The following DOCK3 variants were observed in gnomAD, a reference collection of about 807,000 sequenced individuals.
The protein encoded by DOCK3 is dedicator of cytokinesis protein 3.
Under a neutral mutation model 265.6 loss-of-function variants are expected in DOCK3, and 60 were observed. The ratio of observed to expected loss-of-function variants is 0.23; its 90% confidence interval spans 0.18 to 0.28. DOCK3 has a LOEUF of 0.28. Among genes scored for constraint, DOCK3 ranks in the 10% least tolerant of loss-of-function variants. The pLI is 1.00. For synonymous variants in DOCK3, 881 were observed against 938.0 expected (o/e 0.94, Z 1.11); for missense variants, 1,981 against 2,594.3 (o/e 0.76, Z 5.14).
chr3:50,864,879 G>A (rs1189529444), intron 3 of DOCK3, among the ~76,000 whole-genome samples: 1 of 151,800 alleles, frequency 6.6e-6, no homozygotes, highest in East Asian at 1.9e-4. Context: ...GTATTATGAT[G>A]CGTCCAGGCT....
chr3:51,261,198 A>G (rs1228182163), intron 23 of DOCK3, among the ~76,000 whole-genome samples: 3 of 151,722 alleles, frequency 2.0e-5, no homozygotes, highest in African/African-American at 7.3e-5. Context: ...TGATTTCTGC[A>G]TTTCCAACTG....
chr3:51,207,791 G>T (rs539520606), intron 12 of DOCK3, among the ~76,000 whole-genome samples: 1 of 152,158 alleles, frequency 6.6e-6, no homozygotes, highest in South Asian at 2.1e-4. Context: ...AAGTTCCATG[G>T]GTTCTCCTTT....
At chr3:50,840,232 T>C (rs1382407931) in intron 2 of DOCK3, among the ~76,000 whole-genome samples, 1 of 152,220 alleles carries the variant, frequency 6.6e-6, no homozygotes, top group Non-Finnish European at 1.5e-5. Context: ...AATGAAGCTC[T>C]GTGTATCAAT....
chr3:50,685,075 C>T (rs370337356), intron 1 of DOCK3, among the ~76,000 whole-genome samples: 11 of 151,970 alleles, frequency 7.2e-5, no homozygotes, highest in African/African-American at 2.7e-4. Context: ...AAATTTGGAA[C>T]CATACTGCTT....
chr3:50,889,460 G>A (rs968508775), intron 3 of DOCK3, among the ~76,000 whole-genome samples: 1 of 140,036 alleles, frequency 7.1e-6, no homozygotes, highest in African/African-American at 2.6e-5. Flanking sequence ...AACTGATGTG[G>A]TTTTTTTTTT....
chr3:51,062,654 A>G (rs914837477), intron 5 of DOCK3, among the ~76,000 whole-genome samples: 1 of 152,170 alleles, frequency 6.6e-6, no homozygotes, highest in Non-Finnish European at 1.5e-5. Context: ...TGATCACAAC[A>G]AAGTGTTAGT....
At chr3:51,172,189 T>A (rs1368037865) in intron 12 of DOCK3, among the ~76,000 whole-genome samples, 2 of 152,176 alleles carry the variant, frequency 1.3e-5, no homozygotes, top group East Asian at 3.9e-4. Flanking sequence ...CTTTTTTTTT[T>A]TTTTGAGACA....
At chr3:51,062,292 T>C (rs367713660) in intron 5 of DOCK3, among the ~76,000 whole-genome samples, 1 of 152,334 alleles carries the variant, frequency 6.6e-6, no homozygotes, top group East Asian at 1.9e-4. Context: ...ACCTGGTGCC[T>C]GCTGCCTGTC....
intron 22 of DOCK3, among the ~76,000 whole-genome samples, chr3:51,257,254 T>C (rs943579374): frequency 6.6e-6 from 1 of 152,206 alleles, no homozygotes; most frequent in Non-Finnish European, 1.5e-5. Flanking sequence ...TTCACCAGAT[T>C]AGTAAGTTTC....
At chr3:50,743,779 G>T (rs2039239296) in intron 1 of DOCK3, among the ~76,000 whole-genome samples, 1 of 152,138 alleles carries the variant, frequency 6.6e-6, no homozygotes, top group Non-Finnish European at 1.5e-5. Flanking sequence ...GGTTATTTTG[G>T]TGTGTACTTA....
intron 22 of DOCK3, among the ~76,000 whole-genome samples, chr3:51,250,305 AAT>A (rs1429484023): frequency 4.8e-5 from 7 of 147,084 alleles, no homozygotes; most frequent in South Asian, 2.2e-4. Flanking sequence ...AATAATAAAA[AAT>A]AAAAAACAAA....
intron 1 of DOCK3, among the ~76,000 whole-genome samples, chr3:50,758,185 A>G (rs1401278971): frequency 7.4e-6 from 1 of 135,288 alleles, no homozygotes; most frequent in Non-Finnish European, 1.6e-5. Flanking sequence ...CTCAAAAAAA[A>G]AAAAAAAAAA....
intron 5 of DOCK3, among the ~76,000 whole-genome samples, chr3:51,029,279 T>G (rs914806654): frequency 1.3e-5 from 2 of 152,178 alleles, no homozygotes; most frequent in African/African-American, 2.4e-5. Flanking sequence ...GGCTGCAGTC[T>G]GGTAGATGGT....
intron 2 of DOCK3, among the ~76,000 whole-genome samples, chr3:50,811,952 G>T (rs1169436736): frequency 6.6e-6 from 1 of 152,206 alleles, no homozygotes; most frequent in Non-Finnish European, 1.5e-5. Context: ...TACCTGTAGG[G>T]CTGAGAGAGG....
chr3:51,204,990 G>C (rs534952929), intron 12 of DOCK3, among the ~76,000 whole-genome samples: 1 of 151,880 alleles, frequency 6.6e-6, no homozygotes, highest in Non-Finnish European at 1.5e-5. Flanking sequence ...CACAGGACGG[G>C]GAACATCACA....
intron 2 of DOCK3, chr3:50,787,732 C>T (rs2042257865): frequency 8.2e-7 from 1 of 1,221,860 alleles, no homozygotes; most frequent in East Asian, 2.5e-5. Context: ...TTCTGTAACG[C>T]TGACTTTCTC....
intron 23 of DOCK3, among the ~76,000 whole-genome samples, chr3:51,262,448 G>A (rs1031281993): frequency 7.1e-6 from 1 of 141,722 alleles, no homozygotes; most frequent in African/African-American, 2.7e-5. Context: ...GATAAATCCA[G>A]GAAGACAAAG....
intron 5 of DOCK3, among the ~76,000 whole-genome samples, chr3:51,013,790 G>A: frequency 6.6e-6 from 1 of 152,210 alleles, no homozygotes; most frequent in Non-Finnish European, 1.5e-5. Context: ...GGAATCTACA[G>A]AGACAGTCGG....
chr3:51,126,406 A>G (rs542767373), intron 9 of DOCK3, among the ~76,000 whole-genome samples: 2 of 152,308 alleles, frequency 1.3e-5, no homozygotes, highest in East Asian at 3.9e-4. Context: ...AGTACTTCAG[A>G]CTACTTAACT....
Sources: allele counts gnomAD v4.1 joint callset (sites outside exome capture counted in the v4.1 genomes callset), GRCh38; gene constraint gnomAD v4.1.1; transcripts MANE v1.5; gene names NCBI Gene and HGNC (gene_info 2026-07-23, HGNC 2026-07-21).